KIAA1671: variants seen among roughly 807,000 people sequenced by gnomAD.
KIAA1671 encodes KIAA1671.
In KIAA1671, 52 loss-of-function variants were observed where a neutral mutation model predicts 131.2. The ratio of observed to expected loss-of-function variants is 0.40; its 90% CI spans 0.32 to 0.50. The LOEUF (loss-of-function observed/expected upper bound fraction) is 0.50, where lower values mean the gene tolerates loss of function less well. KIAA1671 is among the 20% of genes least tolerant of loss of function. KIAA1671 has a pLI of 0.73. For missense variants in KIAA1671, 2,360 were observed against 2,364.2 expected, an observed-to-expected ratio of 1.00 and a Z score of 0.04; for synonymous variants, 1,003 against 961.6, an observed-to-expected ratio of 1.04 and a Z score of -0.80.
intron 6 of KIAA1671, among the ~76,000 whole-genome samples, chr22:25,086,496 C>T (rs555626103): frequency 2.4e-4 from 36 of 152,350 alleles, no homozygotes; most frequent in South Asian, 4.1e-4. Context: ...CATCTTTTCC[C>T]TCAGATCCTA....
rs1032430162 is a variant in KIAA1671 at position 25,179,384 on chromosome 22, G to T, written c.5074+1862G>T. On this transcript the variant is annotated intron_variant, in intron 9 of 12. Coordinates refer to ENST00000358431, the MANE Select transcript of KIAA1671 (RefSeq NM_001145206.2). ...CGTGCAGCTCCTCGCGCAGCCGCTC[G>T]CGCAGTGCGGCCAGGTGCGCCTCGC... The T allele has an allele frequency of 6.2e-6, 10 of 1,608,208 alleles. No individual in the cohort carries two copies. In the African/African-American group the frequency reaches 1.3e-4, roughly 21 times the overall value.
intron 2 of KIAA1671, among the ~76,000 whole-genome samples, chr22:25,027,521 G>A (rs1227891680): frequency 4.6e-5 from 7 of 152,232 alleles, no homozygotes; most frequent in Non-Finnish European, 8.8e-5. Flanking sequence ...AGGAGCATGT[G>A]TGGTGTGAAT....
intron 1 of KIAA1671, chr22:25,024,440 G>C (rs1235169150): frequency 6.6e-6 from 1 of 152,270 alleles, no homozygotes; most frequent in Non-Finnish European, 1.5e-5. Context: ...CTTTGGGTGA[G>C]GGTTGGTAGA....
At chr22:25,047,873 A>C (rs1927334355) in intron 5 of KIAA1671, among the ~76,000 whole-genome samples, 1 of 152,256 alleles carries the variant, frequency 6.6e-6, no homozygotes, top group Non-Finnish European at 1.5e-5. Context: ...TTGGTATCAT[A>C]TTTAAGAAAT....
chr22:24,958,996 A>G (rs1921872235), intron 1 of KIAA1671, among the ~76,000 whole-genome samples: 1 of 150,210 alleles, frequency 6.7e-6, no homozygotes. Flanking sequence ...AAAAAAAAAA[A>G]AAGAAAAGAA....
Position 25,028,827 on chromosome 22 carries a change from G to GTCA in KIAA1671, c.828_829insTCA (p.Trp276_Val277insSer). The GTCA allele has an allele frequency of 6.4e-7, 1 of 1,550,972 alleles. No individual in the cohort carries two copies. The highest frequency in any genetic ancestry group is 8.7e-7 in the Non-Finnish European group (1 of 1,146,866). On this transcript the variant is annotated inframe_insertion, in exon 3 of 13. Transcript: ENST00000358431. ...CACCCACCCCTCCCGAGAAGACGTG[G>GTCA]GTGAGGAAGCCCAGGCCCTTGTCCA...
At chr22:25,053,903 A>C (rs1187519694) in intron 6 of KIAA1671, 1 of 152,190 alleles carries the variant, frequency 6.6e-6, no homozygotes, top group Non-Finnish European at 1.5e-5. Flanking sequence ...AAGGTAGGTA[A>C]ATAGGCCAGG....
Position 25,029,532 on chromosome 22 carries a change from G to T in KIAA1671, c.1533G>T (p.Leu511Phe). 2 of 1,538,278 alleles carry T rather than the reference G, an allele frequency of 1.3e-6. No individual in the cohort carries two copies. Among genetic ancestry groups the T allele is most frequent in the South Asian group, 2.4e-5 (2 of 82,574 alleles). Reference protein sequence around the residue: ...TFQARPLSADLTKLFSSSASS... With the variant: ...TFQARPLSADFTKLFSSSASS... ...AGGCTCGGCCGCTGTCGGCGGATTT[G>T]ACCAAATTGTAAGTAGGCACATCCC... The change falls in exon 3 of 13, where the codon TTG (leucine) becomes TTT (phenylalanine). Residue 511 changes from leucine (L) to phenylalanine (F), a missense_variant. By Grantham distance (22) the Leu-to-Phe change is conservative. Around this residue, in one of 3 missense-constraint regions of KIAA1671, gnomAD observed 1,185 missense variants for 1,126.2 expected, o/e 1.05. Transcript: ENST00000358431.
At chr22:25,093,737 A>ACACACACT (rs1568950992) in intron 6 of KIAA1671, among the ~76,000 whole-genome samples, 8 of 30,132 alleles carry the variant, frequency 2.7e-4, no homozygotes, top group Admixed American at 9.5e-4. Context: ...ACACACACAC[A>ACACACACT]CTCTCTCTCT....
chr22:25,191,145 CTTT>C (rs142339652), intron 12 of KIAA1671, among the ~76,000 whole-genome samples: 222 of 129,012 alleles, frequency 1.7e-3, no homozygotes, highest in African/African-American at 4.1e-3. Context: ...GAAATGGTTA[CTTT>C]TTTTTTTTTT....
chr22:24,963,562 T>A (rs573355247), intron 1 of KIAA1671, among the ~76,000 whole-genome samples: 1 of 152,018 alleles, frequency 6.6e-6, no homozygotes, highest in African/African-American at 2.4e-5. Flanking sequence ...ATTGTTCAGA[T>A]GGGCCACTGT....
At chr22:24,990,955 G>A (rs959113926) in intron 1 of KIAA1671, among the ~76,000 whole-genome samples, 1 of 152,136 alleles carries the variant, frequency 6.6e-6, no homozygotes, top group Admixed American at 6.5e-5. Flanking sequence ...CCCACCCCTG[G>A]CCCAGGGCTG....
At chr22:25,162,512 C>T (rs1475361327) in intron 6 of KIAA1671, among the ~76,000 whole-genome samples, 1 of 152,214 alleles carries the variant, frequency 6.6e-6, no homozygotes, top group Non-Finnish European at 1.5e-5. Flanking sequence ...TTTTTCCCAT[C>T]CCCTGTGTAA....
At position 25,040,791 on chromosome 22, in the gene KIAA1671, G is replaced by A. The variant is rs1470575312; in HGVS notation, c.3661G>A (p.Glu1221Lys). The A allele has an allele frequency of 3.2e-6, 5 of 1,551,656 alleles. No homozygotes were observed. Among genetic ancestry groups the A allele is most frequent in the Non-Finnish European group, 4.4e-6 (5 of 1,147,030 alleles). The change falls in exon 5 of 13, where the codon GAG becomes AAG. Residue 1221 changes from glutamate (E) to lysine (K), a missense_variant. Glu to Lys is a moderately conservative substitution (Grantham distance 56). Coordinates refer to ENST00000358431, the MANE Select transcript of KIAA1671 (RefSeq NM_001145206.2). The stretch of plus-strand genomic sequence containing the variant: ...GCTGAAAGTCCCTGGGGAGGCTCAG[G>A]AGAGGAGGAGTCCCACCGTGGAGCC... ...LSLKVPGEAQ[E>K]RRSPTVEPST... is the part of the protein sequence containing the mutation.
rs1053801561 is a variant in KIAA1671, at chr22:25,034,798, C to T, written c.1629+2102C>T. Among the ~76,000 whole-genome samples the T allele has an allele frequency of 5.4e-3, 825 of 152,060 alleles. 27 individuals are homozygous for T. Among genetic ancestry groups the T allele is most frequent in the Admixed American group, 0.05 (757 of 15,272 alleles). ...TGTTGCCCAGGCTGGAGTGCAATGG[C>T]GCGATCTCGGCTCACTGCAAGCTCC... On this transcript the variant is annotated intron_variant, in intron 4 of 12. Transcript: ENST00000358431.
At chr22:25,051,678 G>GA (rs1927542153) in intron 6 of KIAA1671, 1 of 152,140 alleles carries the variant, frequency 6.6e-6, no homozygotes, top group South Asian at 2.1e-4. Context: ...GAAGCCAGGA[G>GA]AGAGGACCTG....
chr22:25,055,888 T>C (rs1320768719), intron 6 of KIAA1671: 1 of 149,698 alleles, frequency 6.7e-6, no homozygotes, highest in Non-Finnish European at 1.5e-5. Context: ...AGACAGGATC[T>C]GGCTCTGTTG....
Position 25,031,003 on chromosome 22 carries a change from G to A in KIAA1671, c.1541+1463G>A, listed in dbSNP as rs988237565. 1.3e-5 allele frequency among the ~76,000 whole-genome samples: 2 copies of A among 152,104 alleles called. 1 individual carries two copies. The highest frequency in any genetic ancestry group is 4.1e-4 in the South Asian group (2 of 4,820). ...GATTCCGATTCACTTGGTCTGGGGA[G>A]GGTGTTCTATTTTGGTAGTTTTTAT... On this transcript the variant is annotated intron_variant, in intron 3 of 12. Coordinates refer to ENST00000358431, the MANE Select transcript of KIAA1671 (RefSeq NM_001145206.2).
chr22:25,117,585 C>CCACCCACACACA (rs1931731177), intron 6 of KIAA1671, among the ~76,000 whole-genome samples: 1 of 123,836 alleles, frequency 8.1e-6, no homozygotes, highest in Admixed American at 8.4e-5. Flanking sequence ...TCTCCCCCAA[C>CCACCCACACACA]CACACACACA....
Sources: allele counts gnomAD v4.1 joint callset (sites outside exome capture counted in the v4.1 genomes callset), GRCh38; gene constraint gnomAD v4.1.1; regional missense constraint gnomAD v4.1.1; transcripts MANE v1.5; gene names NCBI Gene and HGNC (gene_info 2026-07-23, HGNC 2026-07-21).